The following LMF1 variants were observed in gnomAD, a reference collection of about 807,000 sequenced individuals.
The protein encoded by LMF1 is lipase maturation factor 1.
LMF1 carries 68 observed loss-of-function variants against 60.6 expected under a neutral mutation model. That is an observed-to-expected ratio of 1.12 (90% CI 0.92 to 1.37). LMF1 has a LOEUF of 1.37. Ranked by LOEUF, LMF1 falls within the 40% of genes most tolerant of loss-of-function variation. The pLI, the probability that LMF1 is intolerant of heterozygous loss-of-function variation, is 0.00. For synonymous variants in LMF1, 418 were observed against 324.7 expected (o/e 1.29, Z -3.09); for missense variants, 948 against 767.2 (o/e 1.24, Z -2.78).
intron 10 of LMF1, among the ~76,000 whole-genome samples, chr16:859,979 C>T (rs545576583): frequency 2.0e-4 from 30 of 150,842 alleles, no homozygotes; most frequent in Non-Finnish European, 3.8e-4. Flanking sequence ...GATGGGTGTG[C>T]AGTGGTGTTA....
At chr16:857,584 G>C (rs1488237407) in intron 10 of LMF1, among the ~76,000 whole-genome samples, 1 of 102,968 alleles carries the variant, frequency 9.7e-6, no homozygotes, top group African/African-American at 5.5e-5. Flanking sequence ...GTCTCGGGAC[G>C]GGTGTGAGTG....
intron 3 of LMF1, among the ~76,000 whole-genome samples, chr16:914,436 C>T (rs2071211873): frequency 6.6e-6 from 1 of 152,012 alleles, no homozygotes; most frequent in South Asian, 2.1e-4. Context: ...AGAACGCACA[C>T]CGCTGTGGGC....
intron 2 of LMF1, among the ~76,000 whole-genome samples, chr16:936,090 G>C (rs1255556443): frequency 6.8e-6 from 1 of 148,122 alleles, no homozygotes; most frequent in Non-Finnish European, 1.5e-5. Flanking sequence ...GGGAGGGAGA[G>C]AGGGCACCCC....
intron 4 of LMF1, among the ~76,000 whole-genome samples, chr16:894,891 C>A (rs919357471): frequency 6.6e-6 from 1 of 152,200 alleles, no homozygotes; most frequent in Non-Finnish European, 1.5e-5. Context: ...TCGGGGAACA[C>A]GATCTGTTCA....
chr16:919,636 G>A (rs1056720216), intron 3 of LMF1, among the ~76,000 whole-genome samples: 10 of 69,332 alleles, frequency 1.4e-4, no homozygotes, highest in Non-Finnish European at 2.5e-4. Context: ...ACTCTTGGGG[G>A]CCTCGGGCAG....
intron 10 of LMF1, among the ~76,000 whole-genome samples, chr16:858,647 TCGGGACGGGTGTGAGTGGTGTCA>T (rs2069296779): frequency 9.1e-5 from 3 of 33,000 alleles, no homozygotes; most frequent in South Asian, 1.3e-3. Flanking sequence ...CAGTGGTGTC[TCGGGACGGGTGTGAGTGGTGTCA>T]CGGGACGGGT....
At chr16:951,412 T>C (rs1185162624) in intron 2 of LMF1, among the ~76,000 whole-genome samples, 4 of 152,256 alleles carry the variant, frequency 2.6e-5, no homozygotes, top group African/African-American at 9.6e-5. Flanking sequence ...CTTCAGATAC[T>C]ATAGCAGATG....
intron 9 of LMF1, chr16:869,665 C>T (rs2069718489): frequency 1.5e-6 from 1 of 654,662 alleles, no homozygotes; most frequent in Non-Finnish European, 2.7e-6. Context: ...ACCTGGCAGA[C>T]CCGGGGGGAC....
At chr16:945,248 A>G (rs1567289598) in intron 2 of LMF1, among the ~76,000 whole-genome samples, 1 of 144,676 alleles carries the variant, frequency 6.9e-6, no homozygotes, top group Non-Finnish European at 1.5e-5. Flanking sequence ...TTGGCTGGGC[A>G]CGGTGGCTCA....
rs189503831 is a variant in LMF1 at position 869,436 on chromosome 16, C to T, written c.1417-380G>A. ...CTACCCCCAGCCCTGGGGATTCCTT[C>T]TTTCCTGTTCGCTGAGACAGGGTCT... On this transcript the variant is annotated intron_variant, in intron 9 of 10. Coordinates refer to ENST00000262301, the MANE Select transcript of LMF1 (RefSeq NM_022773.4). The T allele has an allele frequency of 7.3e-4, 402 of 550,572 alleles. 1 individual carries two copies. The highest frequency in any genetic ancestry group is 3.4e-3 in the East Asian group (77 of 22,412). 34.1% of individuals were successfully genotyped at this position (550,572 alleles called of 1,614,324 possible).
At chr16:926,698 C>T (rs1284009175) in intron 3 of LMF1, among the ~76,000 whole-genome samples, 1 of 152,238 alleles carries the variant, frequency 6.6e-6, no homozygotes, top group Non-Finnish European at 1.5e-5. Context: ...GAACCCGGCA[C>T]CACGGCCCAC....
At chr16:913,191 C>T (rs112506659) in intron 3 of LMF1, among the ~76,000 whole-genome samples, 1 of 152,226 alleles carries the variant, frequency 6.6e-6, no homozygotes, top group Non-Finnish European at 1.5e-5. Context: ...TCCGGGAGGG[C>T]CCCTGCTCCA....
In LMF1 at chr16:978,383, G is replaced by A. The variant is rs1024636841; in HGVS notation, c.-135+2762C>T. 4.0e-5 allele frequency among the ~76,000 whole-genome samples: 6 copies of A among 151,410 alleles called. No homozygotes were observed. In the South Asian group the frequency reaches 1.3e-3, roughly 32 times the overall value. ...CACACACATGAACACACGCGCCTCC[G>A]GGGTCGCCATCCCTAGGAGCCACGG... On this transcript the variant is annotated intron_variant, in intron 1 of 6. Coordinates refer to the LMF1 transcript ENST00000570014.
chr16:977,931 A>ACGCAC (rs59583764), intron 1 of LMF1, among the ~76,000 whole-genome samples: 167 of 144,490 alleles, frequency 1.2e-3, no homozygotes, highest in African/African-American at 4.2e-3. Flanking sequence ...TACCACACAC[A>ACGCAC]TACATCATAC....
intron 4 of LMF1, among the ~76,000 whole-genome samples, chr16:908,151 G>A (rs2071016551): frequency 6.6e-6 from 1 of 152,206 alleles, no homozygotes; most frequent in Non-Finnish European, 1.5e-5. Flanking sequence ...AGCAGAGGGT[G>A]GAACCTAAAA....
intron 2 of LMF1, among the ~76,000 whole-genome samples, chr16:942,406 C>T (rs995915990): frequency 6.6e-6 from 1 of 152,246 alleles, no homozygotes; most frequent in Non-Finnish European, 1.5e-5. Context: ...GTGTGCTGAG[C>T]TTCTTGGATT....
At chr16:973,793 G>C (rs1245710815), upstream of LMF1, among the ~76,000 whole-genome samples, 1 of 152,196 alleles carries the variant, frequency 6.6e-6, no homozygotes, top group Non-Finnish European at 1.5e-5. Context: ...GAGGTCAGGA[G>C]ATCGAGACCA....
upstream of LMF1, among the ~76,000 whole-genome samples, chr16:973,562 C>T (rs889183805): frequency 3.3e-5 from 5 of 152,180 alleles, no homozygotes; most frequent in East Asian, 1.9e-4. Flanking sequence ...GCCAGTGGTC[C>T]GGGGGTAGGA....
chr16:858,137 ATGGGTGTGAGTGGTGT>A (rs2151679804), intron 10 of LMF1, among the ~76,000 whole-genome samples: 1 of 39,916 alleles, frequency 2.5e-5, no homozygotes, highest in African/African-American at 1.5e-4. Flanking sequence ...GTGTCACGGG[ATGGGTGTGAGTGGTGT>A]CTCGGGATGG....
Sources: gnomAD v4.1 joint callset for allele counts (sites outside exome capture counted in the v4.1 genomes callset) on GRCh38, gnomAD v4.1.1 for gene constraint, MANE v1.5 for transcripts, NCBI Gene and HGNC (gene_info 2026-07-23, HGNC 2026-07-21) for gene names.